Variants in GALM observed in about 807,000 individuals in gnomAD.
GALM encodes the protein aldose 1-epimerase.
GALM carries 43 observed loss-of-function variants against 37.4 expected under a neutral mutation model. The ratio of observed to expected loss-of-function variants is 1.15; its 90% confidence interval spans 0.90 to 1.48. The LOEUF (loss-of-function observed/expected upper bound fraction) is 1.48. GALM is among the 40% of genes most tolerant of loss of function. The pLI is 0.00. For missense variants in GALM, 456 were observed against 419.1 expected, an observed-to-expected ratio of 1.09 and a Z score of -0.77; for synonymous variants, 199 against 170.6, an observed-to-expected ratio of 1.17 and a Z score of -1.30.
At chr2:38,726,496 G>A (rs557332853) in intron 4 of GALM, among the ~76,000 whole-genome samples, 1 of 151,974 alleles carries the variant, frequency 6.6e-6, no homozygotes, top group African/African-American at 2.4e-5. Flanking sequence ...AACGTGCTGG[G>A]ATTACAGGCA....
rs368492755 is a variant in GALM, at chr2:38,666,118, G to C, written c.-44G>C. ...GTCGCCTCTAGCTTAGCGAGCGCTG[G>C]AGTTTGAAGAGCGGGCAGTGGCTGC... On this transcript the variant is annotated 5_prime_UTR_variant, in exon 1 of 7. Coordinates refer to ENST00000272252, the MANE Select transcript of GALM (RefSeq NM_138801.3). The C allele has an allele frequency of 5.7e-5, 89 of 1,557,684 alleles. No individual in the cohort carries two copies. Among genetic ancestry groups the C allele is most frequent in the Non-Finnish European group, 7.5e-5 (86 of 1,145,288 alleles).
intron 4 of GALM, among the ~76,000 whole-genome samples, chr2:38,711,532 T>C (rs535911835): frequency 6.6e-6 from 1 of 152,106 alleles, no homozygotes; most frequent in South Asian, 2.1e-4. Context: ...TTTTCACCCA[T>C]GCTGTGGATC....
Position 38,729,700 on chromosome 2 carries a change from C to A in GALM, c.776+3C>A. ...AAAGAAAAGCATTTTTGTGCAAGGT[C>A]AGGTACTTTTCACTTCCTGAGTCTG... On this transcript the variant is annotated splice_donor_region_variant and intron_variant, in intron 5 of 6. Coordinates refer to ENST00000272252, the MANE Select transcript of GALM (RefSeq NM_138801.3). 2 of 1,610,412 alleles carry A rather than the reference C, an allele frequency of 1.2e-6. No individual in the cohort carries two copies. The highest frequency in any genetic ancestry group is 2.2e-5 in the South Asian group (2 of 90,740).
chr2:38,668,989 T>A (rs542816010), intron 1 of GALM: 2 of 152,208 alleles, frequency 1.3e-5, no homozygotes, highest in East Asian at 3.9e-4. Context: ...ATATAAACTG[T>A]TTGGATGACA....
chr2:38,729,828 A>G, intron 5 of GALM, 131 bp downstream of exon 5: 1 of 712,078 alleles, frequency 1.4e-6, no homozygotes, highest in Non-Finnish European at 2.3e-6. Context: ...CACATCCCAT[A>G]TTTTCTCAAA....
At chr2:38,709,627 A>C (rs1309969841) in intron 4 of GALM, among the ~76,000 whole-genome samples, 1 of 152,150 alleles carries the variant, frequency 6.6e-6, no homozygotes, top group Non-Finnish European at 1.5e-5. Context: ...AGCAGAGGAA[A>C]GGGAAAAAAA....
At chr2:38,678,112 G>C (rs540813375) in intron 2 of GALM, among the ~76,000 whole-genome samples, 54 of 151,918 alleles carry the variant, frequency 3.6e-4, no homozygotes, top group African/African-American at 1.2e-3. Context: ...CACCTCCTGG[G>C]TTCAAGCAAT....
intron 1 of GALM, among the ~76,000 whole-genome samples, chr2:38,669,742 G>C (rs1665042056): frequency 6.6e-6 from 1 of 151,878 alleles, no homozygotes; most frequent in Non-Finnish European, 1.5e-5. Flanking sequence ...GCATGGTGGC[G>C]CATGCCTGTA....
At chr2:38,699,779 T>C (rs936044158) in intron 4 of GALM, among the ~76,000 whole-genome samples, 2 of 152,234 alleles carry the variant, frequency 1.3e-5, no homozygotes, top group Admixed American at 1.3e-4. Context: ...TATTCCACTG[T>C]GGTCAGGAAA....
At position 38,673,524 on chromosome 2, in the gene GALM, A is replaced by G. The variant is rs1665165534; in HGVS notation, c.191-2388A>G. Among the ~76,000 whole-genome samples the G allele has an allele frequency of 2.0e-5, 3 of 152,204 alleles. No homozygotes were observed. The South Asian group carries it at 6.2e-4, about 32-fold the overall frequency. On this transcript the variant is annotated intron_variant, in intron 1 of 6. Transcript: ENST00000272252. ...CAGCCCCTCCCCTAAAAAGGCCCCA[A>G]ACAGTTTATGCTGATTATTATACCA... is the stretch of plus-strand genomic sequence containing the variant.
At chr2:38,717,853 T>C (rs1024223170) in intron 4 of GALM, among the ~76,000 whole-genome samples, 1 of 151,286 alleles carries the variant, frequency 6.6e-6, no homozygotes, top group African/African-American at 2.4e-5. Context: ...TTCTTTTTTT[T>C]TGAGACAGTC....
In GALM at chr2:38,683,846, C is replaced by T. The variant is rs1018454838; in HGVS notation, c.552+2360C>T. On this transcript the variant is annotated intron_variant, in intron 3 of 6. Transcript: ENST00000272252. ...CCTCCCAAAGTGCTAGGATTACAGG[C>T]GTGAGCCACCGCACCTGGCCCCAGA... 1.1e-4 allele frequency among the ~76,000 whole-genome samples: 17 copies of T among 152,302 alleles called. No homozygotes were observed. The East Asian group carries it at 2.1e-3, about 19-fold the overall frequency.
chr2:38,701,287 A>T (rs1351102818), intron 4 of GALM, among the ~76,000 whole-genome samples: 1 of 152,110 alleles, frequency 6.6e-6, no homozygotes, highest in Non-Finnish European at 1.5e-5. Flanking sequence ...TGATGTATAC[A>T]ATACAGTGCA....
Position 38,720,054 on chromosome 2 carries a change from T to C in GALM, c.635-9502T>C, listed in dbSNP as rs184944733. Among the ~76,000 whole-genome samples the C allele has an allele frequency of 5.4e-4, 82 of 151,708 alleles. 1 individual carries two copies. The highest frequency in any genetic ancestry group is 2.0e-3 in the African/African-American group (81 of 41,358). ...CCGTCTCTACTAAAAAAAATAATAA[T>C]AATAATAATTAGCCAGGCGCAATGG... On this transcript the variant is annotated intron_variant, in intron 4 of 6. Coordinates refer to ENST00000272252, the MANE Select transcript of GALM (RefSeq NM_138801.3).
intron 1 of GALM, among the ~76,000 whole-genome samples, chr2:38,670,685 T>A (rs1665078886): frequency 1.3e-5 from 2 of 152,340 alleles, no homozygotes; most frequent in Admixed American, 1.3e-4. Flanking sequence ...GAGCAACTAA[T>A]CATTTTTATC....
At chr2:38,711,363 G>A (rs764490482) in intron 4 of GALM, among the ~76,000 whole-genome samples, 5 of 151,898 alleles carry the variant, frequency 3.3e-5, no homozygotes, top group African/African-American at 7.3e-5. Flanking sequence ...GTTTCACGAC[G>A]TTGGTCACGC....
chr2:38,706,511 CAAAAAA>C (rs1219516280), intron 4 of GALM, among the ~76,000 whole-genome samples: 1,357 of 68,526 alleles, frequency 0.02, 30 homozygotes, highest in African/African-American at 0.068. Flanking sequence ...CCCATCTCTA[CAAAAAA>C]AAAAAAAAAA....
chr2:38,692,445 C>T (rs1480074347), intron 4 of GALM, among the ~76,000 whole-genome samples: 2 of 152,074 alleles, frequency 1.3e-5, no homozygotes, highest in Non-Finnish European at 1.5e-5. Flanking sequence ...GAGACAGGGT[C>T]TCCCTATGTT....
In GALM at chr2:38,675,982, C is replaced by G; in HGVS notation, c.261C>G (p.Thr87=). The G allele has an allele frequency of 1.2e-6, 2 of 1,614,004 alleles. No homozygotes were observed. Among genetic ancestry groups the G allele is most frequent in the Non-Finnish European group, 1.7e-6 (2 of 1,179,954 alleles). Residue 87 remains threonine (T), a synonymous_variant, in exon 2 of 7, where the codon ACC becomes ACG. Coordinates refer to ENST00000272252, the MANE Select transcript of GALM (RefSeq NM_138801.3). ...TGGCCAACCGAATCGCCAAAGGAAC[C>G]TTCAAGGTGGATGGGAAGGAGTATC... The part of the protein sequence containing the change: ...GRVANRIAKG[T]FKVDGKEYHL...
Sources: allele counts gnomAD v4.1 joint callset (sites outside exome capture counted in the v4.1 genomes callset), GRCh38; gene constraint gnomAD v4.1.1; transcripts MANE v1.5; gene names NCBI Gene and HGNC (gene_info 2026-07-23, HGNC 2026-07-21).